OTULINL: variants seen among roughly 807,000 people sequenced by gnomAD.
OTULINL encodes the protein OTU deubiquitinase with linear linkage specificity like.
Under a neutral mutation model 43.9 loss-of-function variants are expected in OTULINL, and 42 were observed. The ratio of observed to expected loss-of-function variants is 0.96; its 90% CI spans 0.75 to 1.24. The LOEUF (loss-of-function observed/expected upper bound fraction) is 1.24, where lower values mean the gene tolerates loss of function less well. Among genes scored for constraint, OTULINL ranks in the 50% most tolerant of loss-of-function variants. The pLI, the probability that OTULINL is intolerant of heterozygous loss-of-function variation, is 0.00. For synonymous variants in OTULINL, 172 were observed against 153.6 expected (o/e 1.12, Z -0.88); for missense variants, 411 against 426.4 (o/e 0.96, Z 0.32).
intron 5 of OTULINL, among the ~76,000 whole-genome samples, chr5:14,605,451 C>T (rs1003068338): frequency 2.8e-4 from 42 of 152,082 alleles, no homozygotes; most frequent in African/African-American, 1.0e-3. Context: ...CTGACGTGTC[C>T]TGGAGACATT....
chr5:14,584,546 GT>G (rs1267034235), intron 1 of OTULINL, among the ~76,000 whole-genome samples: 3 of 152,126 alleles, frequency 2.0e-5, no homozygotes, highest in Non-Finnish European at 2.9e-5. Flanking sequence ...AATGGCTAAT[GT>G]TTTTTGGTGC....
At chr5:14,582,917 T>C (rs1252486176) in intron 1 of OTULINL, among the ~76,000 whole-genome samples, 1 of 151,176 alleles carries the variant, frequency 6.6e-6, no homozygotes, top group African/African-American at 2.4e-5. Context: ...GCTGGCTCGG[T>C]AGCGGGGTCC....
intron 5 of OTULINL, among the ~76,000 whole-genome samples, chr5:14,603,986 A>G (rs972226320): frequency 6.6e-6 from 1 of 152,178 alleles, no homozygotes; most frequent in Non-Finnish European, 1.5e-5. Context: ...ATGCTTGTCA[A>G]ATATATGCAA....
At chr5:14,585,594 G>T (rs1456145632) in intron 1 of OTULINL, among the ~76,000 whole-genome samples, 1 of 152,184 alleles carries the variant, frequency 6.6e-6, no homozygotes, top group African/African-American at 2.4e-5. Flanking sequence ...TCTCCTGTGT[G>T]CCTGTAGCAC....
At chr5:14,597,867 G>A (rs141316123) in intron 1 of OTULINL, among the ~76,000 whole-genome samples, 87 of 152,328 alleles carry the variant, frequency 5.7e-4, no homozygotes, top group African/African-American at 1.7e-3. Flanking sequence ...AGGGAGACCA[G>A]GAGTACAGGC....
In OTULINL at chr5:14,615,553, G is replaced by A. The variant is rs1368729605; in HGVS notation, c.*5239G>A. 1.3e-5 allele frequency among the ~76,000 whole-genome samples: 2 copies of A among 152,158 alleles called. No individual in the cohort carries two copies. Among genetic ancestry groups the A allele is most frequent in the East Asian group, 3.8e-4 (2 of 5,198 alleles). Reference sequence around the variant, plus strand: ...CATCTGTGACTCCCTTAAATAAAAAGGGCCAGAGATGAGGGGACGCCTGGT... The same window carrying A: ...CATCTGTGACTCCCTTAAATAAAAAAGGCCAGAGATGAGGGGACGCCTGGT... On this transcript the variant is annotated 3_prime_UTR_variant, in exon 8 of 8. Coordinates refer to ENST00000274217, the MANE Select transcript of OTULINL (RefSeq NM_019018.3).
At chr5:14,586,068 C>A (rs544999612) in intron 1 of OTULINL, among the ~76,000 whole-genome samples, 5 of 152,172 alleles carry the variant, frequency 3.3e-5, no homozygotes, top group Non-Finnish European at 5.9e-5. Flanking sequence ...CTATTAAAGT[C>A]TCTACTTAAT....
chr5:14,582,418 G>T (rs114549493), intron 1 of OTULINL, among the ~76,000 whole-genome samples: 2 of 152,068 alleles, frequency 1.3e-5, no homozygotes, highest in Non-Finnish European at 2.9e-5. Context: ...TGCGTTTCGC[G>T]CCCTGCTGGC....
chr5:14,589,464 A>AGG (rs1197758587), intron 1 of OTULINL, among the ~76,000 whole-genome samples: 1 of 151,914 alleles, frequency 6.6e-6, no homozygotes, highest in East Asian at 1.9e-4. Flanking sequence ...GTGAGAGAAG[A>AGG]GGGAGGGGTC....
At chr5:14,594,126 C>G (rs1057376250) in intron 1 of OTULINL, among the ~76,000 whole-genome samples, 1 of 152,048 alleles carries the variant, frequency 6.6e-6, no homozygotes, top group African/African-American at 2.4e-5. Flanking sequence ...GAATATCTCC[C>G]CCGTAACTGG....
intron 1 of OTULINL, among the ~76,000 whole-genome samples, chr5:14,592,938 C>T (rs1348238417): frequency 6.6e-6 from 1 of 152,176 alleles, no homozygotes; most frequent in Non-Finnish European, 1.5e-5. Context: ...AGTCTCATGT[C>T]CTAGGGAAGC....
chr5:14,598,896 G>C (rs1759338087), intron 1 of OTULINL, among the ~76,000 whole-genome samples: 1 of 151,992 alleles, frequency 6.6e-6, no homozygotes, highest in Admixed American at 6.5e-5. Flanking sequence ...TACAGTAAAA[G>C]AAAGTATGTA....
chr5:14,588,904 A>G (rs1293777025), intron 1 of OTULINL, among the ~76,000 whole-genome samples: 1 of 152,182 alleles, frequency 6.6e-6, no homozygotes, highest in Non-Finnish European at 1.5e-5. Flanking sequence ...GCACCCAGGG[A>G]CGATGGAATG....
At chr5:14,591,722 G>A (rs1176155199) in intron 1 of OTULINL, among the ~76,000 whole-genome samples, 1 of 152,092 alleles carries the variant, frequency 6.6e-6, no homozygotes, top group African/African-American at 2.4e-5. Context: ...GGTTGAATGT[G>A]AGTCAGTAGC....
In OTULINL at chr5:14,581,880, C is replaced by A; in HGVS notation, c.-15C>A. ...CACGGGCCGAGGCCCAGCGCCCGTCCGCAGCGCGGCCGGCATGGCGGCGAC... is the reference window on the plus strand; with the variant it reads ...CACGGGCCGAGGCCCAGCGCCCGTCAGCAGCGCGGCCGGCATGGCGGCGAC... On this transcript the variant is annotated 5_prime_UTR_variant, in exon 1 of 8. Coordinates refer to ENST00000274217, the MANE Select transcript of OTULINL (RefSeq NM_019018.3). 7.1e-7 allele frequency: 1 copy of A among 1,407,972 alleles called. No homozygotes were observed. The highest frequency in any genetic ancestry group is 1.4e-5 in the South Asian group (1 of 69,778). 87.2% of individuals were successfully genotyped at this position (1,407,972 alleles called of 1,614,324 possible). A position where few individuals can be genotyped will look rare whatever the true frequency, so the allele number is the denominator to read the frequency against.
At chr5:14,588,097 T>C (rs992576916) in intron 1 of OTULINL, among the ~76,000 whole-genome samples, 4 of 152,190 alleles carry the variant, frequency 2.6e-5, no homozygotes, top group Non-Finnish European at 5.9e-5. Context: ...GTCAAGATCT[T>C]ATGTATCTTC....
intron 1 of OTULINL, among the ~76,000 whole-genome samples, chr5:14,583,893 GT>G (rs913126325): frequency 2.6e-5 from 4 of 151,404 alleles, no homozygotes; most frequent in Admixed American, 6.6e-5. Flanking sequence ...CACAGAAGAG[GT>G]TTTTTTTTGT....
chr5:14,600,848 G>T, intron 1 of OTULINL, 117 bp from the exon 2 acceptor site: 1 of 897,304 alleles, frequency 1.1e-6, no homozygotes, highest in South Asian at 3.4e-5. Flanking sequence ...ATGTAAATCA[G>T]TGATAGATAC....
Position 14,614,151 on chromosome 5 carries a change from T to C in OTULINL, c.*3837T>C, listed in dbSNP as rs1759629785. Among the ~76,000 whole-genome samples, 1 of 152,182 alleles carries C rather than the reference T, an allele frequency of 6.6e-6. No homozygotes were observed. Among genetic ancestry groups the C allele is most frequent in the African/African-American group, 2.4e-5 (1 of 41,444 alleles). On this transcript the variant is annotated 3_prime_UTR_variant, in exon 8 of 8. Coordinates refer to ENST00000274217, the MANE Select transcript of OTULINL (RefSeq NM_019018.3). ...AGCTGTATGATTCTCTTTGCAAGAA[T>C]GTTTTTCACACTGCTTAATAAGACC...
Sources: gnomAD v4.1 joint callset for allele counts (sites outside exome capture counted in the v4.1 genomes callset) on GRCh38, gnomAD v4.1.1 for gene constraint, MANE v1.5 for transcripts, NCBI Gene and HGNC (gene_info 2026-07-23, HGNC 2026-07-21) for gene names.